Variants in FRMD4B observed in about 807,000 individuals in gnomAD.
The protein encoded by FRMD4B is FERM domain-containing protein 4B.
A neutral mutation model predicts 141.5 loss-of-function variants in FRMD4B; 74 were observed. The observed-to-expected ratio is 0.52, with a 90% CI of 0.43 to 0.63. The LOEUF (loss-of-function observed/expected upper bound fraction) is 0.63, where lower values mean the gene tolerates loss of function less well. Among genes scored for constraint, FRMD4B ranks in the 30% least tolerant of loss-of-function variants. FRMD4B has a pLI of 0.00. For synonymous variants in FRMD4B, 506 were observed against 467.9 expected (o/e 1.08, Z -1.05); for missense variants, 1,366 against 1,253.4 (o/e 1.09, Z -1.36).
In FRMD4B at chr3:69,305,805, G is replaced by A. The variant is rs1023775290; in HGVS notation, c.324-3370C>T. On this transcript the variant is annotated intron_variant, in intron 3 of 22. Transcript: ENST00000398540. ...TATTTGTATGAACTTGCATGGAATG[G>A]TGTCTATGAATGAATGAAGCAAGTT... is the stretch of plus-strand genomic sequence containing the variant. Among the ~76,000 whole-genome samples, 4 of 152,298 alleles carry A rather than the reference G, an allele frequency of 2.6e-5. No homozygotes were observed. The South Asian group carries it at 8.3e-4, about 32-fold the overall frequency.
At chr3:69,436,653 GA>G (rs1475869169) in intron 1 of FRMD4B, among the ~76,000 whole-genome samples, 1 of 152,132 alleles carries the variant, frequency 6.6e-6, no homozygotes, top group South Asian at 2.1e-4. Context: ...AGTGTTCATA[GA>G]AACATTATCC....
chr3:69,300,901 A>G (rs1701194045), intron 4 of FRMD4B, among the ~76,000 whole-genome samples: 2 of 152,046 alleles, frequency 1.3e-5, no homozygotes, highest in Admixed American at 6.6e-5. Flanking sequence ...AAGCCTGGCT[A>G]ATTTTTGTAT....
chr3:69,394,319 G>C (rs1250810438), intron 2 of FRMD4B, among the ~76,000 whole-genome samples: 1 of 152,198 alleles, frequency 6.6e-6, no homozygotes, highest in African/African-American at 2.4e-5. Flanking sequence ...CCTCCCCAAA[G>C]CTCCACCAAA....
chr3:69,187,249 C>A (rs2092777553), intron 19 of FRMD4B, among the ~76,000 whole-genome samples: 1 of 151,994 alleles, frequency 6.6e-6, no homozygotes, highest in African/African-American at 2.4e-5. Flanking sequence ...TAAAAGACTT[C>A]TTAAAAACAT....
At chr3:69,395,829 T>C (rs1704465521) in intron 2 of FRMD4B, among the ~76,000 whole-genome samples, 1 of 152,140 alleles carries the variant, frequency 6.6e-6, no homozygotes, top group Non-Finnish European at 1.5e-5. Flanking sequence ...GACTAAGAGT[T>C]CAGGGAGCTT....
chr3:69,327,510 G>A (rs1702223884), intron 1 of FRMD4B, among the ~76,000 whole-genome samples: 2 of 152,162 alleles, frequency 1.3e-5, no homozygotes, highest in Admixed American at 1.3e-4. Context: ...TAATTATGGA[G>A]TACATGCTTA....
At chr3:69,439,347 T>G (rs1705309083) in intron 1 of FRMD4B, among the ~76,000 whole-genome samples, 2 of 152,166 alleles carry the variant, frequency 1.3e-5, no homozygotes, top group Non-Finnish European at 2.9e-5. Flanking sequence ...CCTCCCTGTT[T>G]AGTTGTGAGA....
At chr3:69,469,838 G>T (rs1705858244) in intron 1 of FRMD4B, among the ~76,000 whole-genome samples, 1 of 152,204 alleles carries the variant, frequency 6.6e-6, no homozygotes, top group Non-Finnish European at 1.5e-5. Flanking sequence ...GGTTTTAAAT[G>T]ATGCATGAGA....
intron 5 of FRMD4B, among the ~76,000 whole-genome samples, chr3:69,266,121 G>C (rs972546580): frequency 1.3e-5 from 2 of 151,874 alleles, no homozygotes; most frequent in African/African-American, 4.8e-5. Flanking sequence ...AGAATCATTT[G>C]AGCCTGGGAA....
chr3:69,504,964 C>G (rs759460935), intron 1 of FRMD4B, among the ~76,000 whole-genome samples: 2 of 152,194 alleles, frequency 1.3e-5, no homozygotes, highest in African/African-American at 2.4e-5. Flanking sequence ...CTAATCTCTT[C>G]CTTGTGATGC....
At chr3:69,210,279 T>C (rs1346340853) in intron 11 of FRMD4B, among the ~76,000 whole-genome samples, 1 of 152,268 alleles carries the variant, frequency 6.6e-6, no homozygotes, top group Non-Finnish European at 1.5e-5. Context: ...GGGAAGTATT[T>C]GCCGAAGGGA....
chr3:69,399,548 C>T (rs1026958861), intron 2 of FRMD4B, among the ~76,000 whole-genome samples: 2 of 152,192 alleles, frequency 1.3e-5, no homozygotes, highest in Non-Finnish European at 2.9e-5. Flanking sequence ...CTCTGCATAA[C>T]TTTTGTCTGT....
intron 1 of FRMD4B, among the ~76,000 whole-genome samples, chr3:69,381,175 C>T (rs1412645172): frequency 6.6e-6 from 1 of 152,224 alleles, no homozygotes; most frequent in African/African-American, 2.4e-5. Context: ...CTCATTACTA[C>T]AGAAATACCT....
chr3:69,378,622 T>G (rs1704034814), intron 1 of FRMD4B, among the ~76,000 whole-genome samples: 1 of 152,158 alleles, frequency 6.6e-6, no homozygotes, highest in South Asian at 2.1e-4. Flanking sequence ...CCTTACTGCT[T>G]CCCTATGCAA....
intron 5 of FRMD4B, among the ~76,000 whole-genome samples, chr3:69,282,049 T>C (rs1043952489): frequency 2.0e-5 from 3 of 152,090 alleles, no homozygotes; most frequent in Non-Finnish European, 2.9e-5. Flanking sequence ...TCAAATGACA[T>C]ACTCATGAGG....
At chr3:69,252,398 C>T (rs1000115777) in intron 5 of FRMD4B, among the ~76,000 whole-genome samples, 40 of 152,116 alleles carry the variant, frequency 2.6e-4, no homozygotes, top group African/African-American at 8.0e-4. Flanking sequence ...GGTGACGGTG[C>T]GGTGAAGGAG....
chr3:69,461,623 CAAA>C (rs58143332), intron 1 of FRMD4B, among the ~76,000 whole-genome samples: 7 of 43,460 alleles, frequency 1.6e-4, no homozygotes, highest in Non-Finnish European at 2.0e-4. Context: ...GACTCTGTCT[CAAA>C]AAAAAAAAAA....
intron 11 of FRMD4B, among the ~76,000 whole-genome samples, chr3:69,201,912 G>A (rs1054451550): frequency 5.3e-5 from 8 of 152,140 alleles, no homozygotes; most frequent in Non-Finnish European, 1.0e-4. Context: ...GGGGCTGGGC[G>A]TGGTGGGTTG....
At position 69,216,278 on chromosome 3, in the gene FRMD4B, C is replaced by T. The variant is rs757011354; in HGVS notation, c.861G>A (p.Lys287=). 4.5e-6 allele frequency: 7 copies of T among 1,553,610 alleles called. No individual in the cohort carries two copies. In the East Asian group the frequency reaches 1.4e-4, roughly 30 times the overall value. ...KGIGQYDIQD[K]VKPRKLFQWK... ...CCACACTTACCTTCCGAGGCTTCAC[C>T]TTGTCTTGTATATCATATTGGCCAA... The change falls in exon 11 of 23, where the codon AAG becomes AAA. Residue 287 remains lysine, a synonymous_variant. Coordinates refer to ENST00000398540, the MANE Select transcript of FRMD4B (RefSeq NM_015123.3).
Sources: gnomAD v4.1 joint callset for allele counts (sites outside exome capture counted in the v4.1 genomes callset) on GRCh38, gnomAD v4.1.1 for gene constraint, MANE v1.5 for transcripts, NCBI Gene and HGNC (gene_info 2026-07-23, HGNC 2026-07-21) for gene names.